Variants in PDE1A observed in about 807,000 individuals in gnomAD.
PDE1A encodes phosphodiesterase 1A, also known as dual specificity calcium/calmodulin-dependent 3',5'-cyclic nucleotide phosphodiesterase 1A.
A neutral mutation model predicts 61.7 loss-of-function variants in PDE1A; 35 were observed. The observed-to-expected ratio is 0.57, with a 90% CI of 0.43 to 0.75. PDE1A has a LOEUF of 0.75. Among genes scored for constraint, PDE1A ranks in the 30% least tolerant of loss-of-function variants. The pLI, the probability that PDE1A is intolerant of heterozygous loss-of-function variation, is 0.00. For missense variants in PDE1A, 597 were observed against 630.6 expected (o/e 0.95, Z 0.57); for synonymous variants, 232 against 213.2 (o/e 1.09, Z -0.77).
the PDE1A span, among the ~76,000 whole-genome samples, chr2:182,599,686 T>C: frequency 3.9e-5 from 6 of 152,208 alleles, no homozygotes; most frequent in Non-Finnish European, 8.8e-5. Flanking sequence ...GAATTTCAGA[T>C]GAATAGGACA....
intron 1 of PDE1A, among the ~76,000 whole-genome samples, chr2:182,364,305 T>C (rs976979212): frequency 6.6e-6 from 1 of 151,646 alleles, no homozygotes; most frequent in Non-Finnish European, 1.5e-5. Flanking sequence ...GCTTACACCC[T>C]ATCCCATGTG....
At chr2:182,209,459 G>A (rs1344761296) in intron 7 of PDE1A, among the ~76,000 whole-genome samples, 1 of 151,586 alleles carries the variant, frequency 6.6e-6, no homozygotes, top group Admixed American at 6.6e-5. Context: ...CATATTATGA[G>A]CCAAATGTTG....
chr2:182,441,604 A>G (rs1241360157), intron 2 of PDE1A, among the ~76,000 whole-genome samples: 1 of 152,040 alleles, frequency 6.6e-6, no homozygotes, highest in African/African-American at 2.4e-5. Flanking sequence ...TAGCACACCT[A>G]GCACTCAAAT....
exon 15 of PDE1A, chr2:182,140,470 A>G (rs1024907455): frequency 6.6e-6 from 1 of 152,236 alleles, no homozygotes; most frequent in South Asian, 2.1e-4. Flanking sequence ...AAAACACCAA[A>G]TGTTTCACAA....
the PDE1A span, among the ~76,000 whole-genome samples, chr2:182,677,891 C>T: frequency 6.6e-6 from 1 of 152,134 alleles, no homozygotes; most frequent in Non-Finnish European, 1.5e-5. Context: ...TGTCTGACTG[C>T]CCATTTTATC....
chr2:182,281,579 A>G (rs1382973285), intron 1 of PDE1A, among the ~76,000 whole-genome samples: 4 of 152,022 alleles, frequency 2.6e-5, no homozygotes, highest in African/African-American at 7.2e-5. Flanking sequence ...CTGCTAAGAA[A>G]GAAAAAATAA....
chr2:182,681,575 T>TA, the PDE1A span, among the ~76,000 whole-genome samples: 1,180 of 143,990 alleles, frequency 8.2e-3, 5 homozygotes, highest in South Asian at 0.013. Flanking sequence ...ACCTCTAAAT[T>TA]AAAAAAAAAA....
chr2:182,365,197 A>G (rs761474586), intron 1 of PDE1A, among the ~76,000 whole-genome samples: 1 of 152,056 alleles, frequency 6.6e-6, no homozygotes, highest in South Asian at 2.1e-4. Flanking sequence ...GGATGCTCTT[A>G]GTAATTACAC....
the PDE1A span, among the ~76,000 whole-genome samples, chr2:182,654,891 G>A: frequency 6.6e-6 from 1 of 152,064 alleles, no homozygotes; most frequent in African/African-American, 2.4e-5. Context: ...TCTTCTATTG[G>A]GAACACCATG....
chr2:182,212,460 G>T (rs1687705475), intron 7 of PDE1A, among the ~76,000 whole-genome samples: 1 of 152,184 alleles, frequency 6.6e-6, no homozygotes, highest in South Asian at 2.1e-4. Flanking sequence ...CTCCCAGCGT[G>T]AGCGACGCAG....
At chr2:182,202,217 CAT>C (rs1686718134) in intron 8 of PDE1A, among the ~76,000 whole-genome samples, 1 of 152,124 alleles carries the variant, frequency 6.6e-6, no homozygotes, top group Non-Finnish European at 1.5e-5. Flanking sequence ...TCTAAATCCA[CAT>C]GTCAACCAAA....
the PDE1A span, among the ~76,000 whole-genome samples, chr2:182,583,229 G>T: frequency 1.3e-5 from 2 of 152,022 alleles, no homozygotes; most frequent in African/African-American, 2.4e-5. Context: ...CAGCTATTAC[G>T]CATTTAATAA....
intron 7 of PDE1A, among the ~76,000 whole-genome samples, chr2:182,211,657 G>GTTCATTCAT (rs1687613200): frequency 2.0e-5 from 3 of 152,090 alleles, no homozygotes; most frequent in African/African-American, 7.2e-5. Flanking sequence ...TGAAATATCT[G>GTTCATTCAT]TCCCTGTATT....
intron 2 of PDE1A, among the ~76,000 whole-genome samples, chr2:182,450,395 T>C (rs569872721): frequency 6.6e-6 from 1 of 152,192 alleles, no homozygotes; most frequent in South Asian, 2.1e-4. Context: ...CTTCCATGAA[T>C]AGAATTCAGG....
At chr2:182,264,182 G>T in intron 2 of PDE1A, 119 bp downstream of exon 2, 1 of 588,300 alleles carries the variant, frequency 1.7e-6, no homozygotes, top group East Asian at 2.8e-5. Flanking sequence ...AATAAGATTT[G>T]ATTTTGGTTT....
intron 2 of PDE1A, among the ~76,000 whole-genome samples, chr2:182,500,418 A>G (rs1484482045): frequency 2.0e-5 from 3 of 152,196 alleles, no homozygotes; most frequent in Non-Finnish European, 4.4e-5. Context: ...AGATAAATCA[A>G]AAAACAACAA....
the PDE1A span, among the ~76,000 whole-genome samples, chr2:182,545,638 T>C: frequency 6.6e-6 from 1 of 152,222 alleles, no homozygotes; most frequent in Non-Finnish European, 1.5e-5. Context: ...CATTGCTTTA[T>C]GGCTCAGAGC....
intron 13 of PDE1A, among the ~76,000 whole-genome samples, chr2:182,157,843 T>A (rs1691180284): frequency 6.6e-6 from 1 of 152,198 alleles, no homozygotes; most frequent in African/African-American, 2.4e-5. Context: ...TGTTTTTCCA[T>A]CTCATCTTTT....
At chr2:182,501,177 T>C (rs946178239) in intron 2 of PDE1A, among the ~76,000 whole-genome samples, 3 of 152,230 alleles carry the variant, frequency 2.0e-5, no homozygotes, top group East Asian at 1.9e-4. Context: ...GACCCTTATA[T>C]AGTGACATAA....
Sources: allele counts gnomAD v4.1 joint callset (sites outside exome capture counted in the v4.1 genomes callset), GRCh38; gene constraint gnomAD v4.1.1; transcripts MANE v1.5; gene names NCBI Gene and HGNC (gene_info 2026-07-23, HGNC 2026-07-21).